The following LRRFIP2 variants were observed in gnomAD, a reference collection of about 807,000 sequenced individuals.
LRRFIP2 encodes leucine-rich repeat flightless-interacting protein 2.
A neutral mutation model predicts 125.9 loss-of-function variants in LRRFIP2; 109 were observed. That is an observed-to-expected ratio of 0.87 (90% CI 0.74 to 1.01). The LOEUF (loss-of-function observed/expected upper bound fraction) is 1.01. LRRFIP2 is among the 50% of genes least tolerant of loss of function. LRRFIP2 has a pLI of 0.00. For synonymous variants in LRRFIP2, 291 were observed against 293.1 expected (o/e 0.99, Z 0.07); for missense variants, 850 against 862.3 (o/e 0.99, Z 0.18).
chr3:37,114,122 T>G (rs78537524), intron 7 of LRRFIP2, among the ~76,000 whole-genome samples: 3 of 147,998 alleles, frequency 2.0e-5, no homozygotes, highest in African/African-American at 5.0e-5. Context: ...TTTTTTTTTT[T>G]GAATATGCAT....
At chr3:37,092,265 T>C (rs1380794479) in intron 17 of LRRFIP2, among the ~76,000 whole-genome samples, 2 of 152,248 alleles carry the variant, frequency 1.3e-5, no homozygotes, top group African/African-American at 2.4e-5. Context: ...CTATTCTGAA[T>C]GCTCGATTTA....
intron 2 of LRRFIP2, among the ~76,000 whole-genome samples, chr3:37,143,320 G>A (rs998362665): frequency 2.6e-5 from 4 of 152,126 alleles, no homozygotes; most frequent in African/African-American, 4.8e-5. Flanking sequence ...CATCTACAAC[G>A]GGCAGTCATG....
chr3:37,066,807 TTTTAA>T (rs1167244292), intron 21 of LRRFIP2: 2 of 154,204 alleles, frequency 1.3e-5, no homozygotes, highest in African/African-American at 2.4e-5. Context: ...TACATAGGTA[TTTTAA>T]TTTAATATTG....
chr3:37,067,734 T>C (rs1378418123), intron 21 of LRRFIP2: 1 of 152,338 alleles, frequency 6.6e-6, no homozygotes, highest in East Asian at 1.9e-4. Context: ...ATTTGAAACC[T>C]CTACATATCC....
intron 6 of LRRFIP2, among the ~76,000 whole-genome samples, chr3:37,119,213 G>C (rs2094921188): frequency 6.6e-6 from 1 of 151,900 alleles, no homozygotes; most frequent in South Asian, 2.1e-4. Flanking sequence ...TAAATACTGG[G>C]AGTTTTATTC....
intron 15 of LRRFIP2, 23 bp downstream of exon 15, chr3:37,102,901 A>AC (rs1559851850): frequency 6.7e-7 from 1 of 1,502,668 alleles, no homozygotes; most frequent in Non-Finnish European, 9.0e-7. Context: ...AACATAACCA[A>AC]CCACCCCATG....
At chr3:37,135,344 A>T (rs1056707716) in intron 2 of LRRFIP2, among the ~76,000 whole-genome samples, 2 of 151,770 alleles carry the variant, frequency 1.3e-5, no homozygotes, top group African/African-American at 4.8e-5. Flanking sequence ...CTGTAATCCC[A>T]GCTACTCGCG....
At chr3:37,065,618 G>C (rs1370942562) in intron 23 of LRRFIP2, 192 bp downstream of exon 23, 2 of 724,472 alleles carry the variant, frequency 2.8e-6, no homozygotes, top group Admixed American at 4.0e-5. Context: ...GCCTTACAGT[G>C]ACCCAGATGC....
intron 20 of LRRFIP2, among the ~76,000 whole-genome samples, chr3:37,074,176 G>C (rs1312671276): frequency 1.3e-5 from 2 of 152,184 alleles, no homozygotes; most frequent in African/African-American, 4.8e-5. Flanking sequence ...GTAGGTCCGA[G>C]GGGAAAGAGA....
At chr3:37,144,128 T>C (rs2095796468) in intron 2 of LRRFIP2, among the ~76,000 whole-genome samples, 1 of 152,148 alleles carries the variant, frequency 6.6e-6, no homozygotes, top group Non-Finnish European at 1.5e-5. Context: ...TGGGCAGTGG[T>C]GGTGAGACAC....
intron 26 of LRRFIP2, 144 bp downstream of exon 26, chr3:37,054,942 C>A: frequency 1.7e-6 from 1 of 597,490 alleles, no homozygotes. Flanking sequence ...AATGTCCCAA[C>A]AAGTGCTCTC....
chr3:37,090,324 G>T (rs147891316), intron 18 of LRRFIP2, among the ~76,000 whole-genome samples: 34,418 of 152,032 alleles, frequency 0.23, 4,931 homozygotes, highest in Non-Finnish European at 0.32. Context: ...CACCTTCCAG[G>T]TTCAAGCAAT....
At chr3:37,102,568 G>A (rs550664372) in intron 15 of LRRFIP2, among the ~76,000 whole-genome samples, 9 of 146,224 alleles carry the variant, frequency 6.2e-5, no homozygotes, top group Admixed American at 2.1e-4. Flanking sequence ...GTGTGGTCTC[G>A]GCTCACTGCA....
intron 8 of LRRFIP2, 116 bp downstream of exon 8, chr3:37,112,799 T>C (rs2094599143): frequency 1.8e-6 from 1 of 569,298 alleles, no homozygotes; most frequent in Non-Finnish European, 3.1e-6. Context: ...TGATAAATCA[T>C]GTTTCAGCAG....
Position 37,060,592 on chromosome 3 carries a change from C to T in LRRFIP2, c.1750-1682G>A, listed in dbSNP as rs1202032745. 6.6e-6 allele frequency among the ~76,000 whole-genome samples: 1 copy of T among 151,728 alleles called. No homozygotes were observed. Among genetic ancestry groups the T allele is most frequent in the Admixed American group, 6.6e-5 (1 of 15,246 alleles). ...TGCTGGGATTACAGACATGAGCCAC[C>T]ATGCCCGGCCCTTTTTTTTTTTGTA... On this transcript the variant is annotated intron_variant, in intron 24 of 27. Coordinates refer to ENST00000336686, the MANE Select transcript of LRRFIP2 (RefSeq NM_006309.4). This position sits in a 1 kb window ranked among gnomAD's most constrained non-coding sequence, Gnocchi z 4.1.
At chr3:37,133,545 A>C (rs1036331132) in intron 2 of LRRFIP2, among the ~76,000 whole-genome samples, 6 of 152,234 alleles carry the variant, frequency 3.9e-5, no homozygotes, top group African/African-American at 1.2e-4. Context: ...AGCCAGACAG[A>C]AAGGAGTAAT....
intron 19 of LRRFIP2, among the ~76,000 whole-genome samples, chr3:37,078,044 A>G (rs1240747503): frequency 4.6e-5 from 7 of 152,172 alleles, no homozygotes; most frequent in Non-Finnish European, 8.8e-5. Flanking sequence ...ACAGAGTTCT[A>G]GTTTTGAAAG....
chr3:37,138,607 A>G (rs2149830301), intron 2 of LRRFIP2, among the ~76,000 whole-genome samples: 1 of 152,342 alleles, frequency 6.6e-6, no homozygotes, highest in South Asian at 2.1e-4. Flanking sequence ...GAAACTGCAG[A>G]TAGTACCAAA....
intron 21 of LRRFIP2, among the ~76,000 whole-genome samples, chr3:37,071,588 A>C (rs995656711): frequency 1.3e-5 from 2 of 152,172 alleles, no homozygotes; most frequent in Non-Finnish European, 2.9e-5. Flanking sequence ...GATCCTGCTG[A>C]CTACTGGTTG....
Sources: gnomAD v4.1 joint callset for allele counts (sites outside exome capture counted in the v4.1 genomes callset) on GRCh38, gnomAD v4.1.1 for gene constraint, Gnocchi (gnomAD v3.1) non-coding constraint, MANE v1.5 for transcripts, NCBI Gene and HGNC (gene_info 2026-07-23, HGNC 2026-07-21) for gene names.